Variants in PPP2R3B observed in about 807,000 individuals in gnomAD.
PPP2R3B encodes the protein protein phosphatase 2 regulatory subunit B''beta.
In PPP2R3B, 68 loss-of-function variants were observed where a neutral mutation model predicts 72.9. The observed-to-expected ratio is 0.93, with a 90% confidence interval of 0.77 to 1.14. PPP2R3B has a LOEUF of 1.14. Ranked by LOEUF, PPP2R3B falls within the 50% of genes most tolerant of loss-of-function variation. The pLI is 0.00. For missense variants in PPP2R3B, 1,018 were observed against 842.0 expected (o/e 1.21, Z -2.59); for synonymous variants, 466 against 375.8 (o/e 1.24, Z -2.78).
At chrX:352,804 C>CG (rs1323387314) in intron 2 of PPP2R3B, among the ~76,000 whole-genome samples, 1 of 151,424 alleles carries the variant, frequency 6.6e-6, no homozygotes, top group East Asian at 1.9e-4. Context: ...CGTTCCTCGG[C>CG]GGGTGACGGG....
intron 1 of PPP2R3B, among the ~76,000 whole-genome samples, chrX:376,438 C>A: frequency 9.3e-6 from 1 of 107,560 alleles, no homozygotes; most frequent in Non-Finnish European, 1.8e-5. Flanking sequence ...GACAGAGCCC[C>A]CATGGGGCCA....
At chrX:380,406 C>T (rs2072097135) in intron 1 of PPP2R3B, among the ~76,000 whole-genome samples, 1 of 152,132 alleles carries the variant, frequency 6.6e-6, no homozygotes, top group Non-Finnish European at 1.5e-5. Context: ...CCTGAACAGA[C>T]GCTCGACAGT....
In PPP2R3B at chrX:364,144, A is replaced by C. The variant is rs557728026; in HGVS notation, c.325-2554T>G. 3.8e-4 allele frequency among the ~76,000 whole-genome samples: 58 copies of C among 152,336 alleles called. No homozygotes were observed. In the East Asian group the frequency reaches 7.3e-3, roughly 19 times the overall value. On this transcript the variant is annotated intron_variant, in intron 1 of 12. Coordinates refer to ENST00000390665, the MANE Select transcript of PPP2R3B (RefSeq NM_013239.5). ...GCCTTGCAGAGCTCTGGGGAAGAGG[A>C]GGCAAAACGCAGGGTCCTCCGGGGA...
In PPP2R3B at chrX:341,898, G is replaced by A. The variant is rs2071087237; in HGVS notation, c.1070C>T (p.Ser357Leu). ...CCGTACGTACCGTGTGACTGCTCCT[G>A]AGAAGATCCTGTCTATCATCTTGGT... ...LSTKMIDRIF[S>L]GAVTRGRKVQ... is the part of the protein sequence containing the mutation. Residue 357 changes from serine to leucine, a missense_variant, in exon 8 of 13, where the codon TCA (serine) becomes TTA (leucine). Ser to Leu is a moderately radical substitution (Grantham distance 145). Coordinates refer to ENST00000390665, the MANE Select transcript of PPP2R3B (RefSeq NM_013239.5). 9 of 1,612,606 alleles carry A rather than the reference G, an allele frequency of 5.6e-6. No individual in the cohort carries two copies. Among genetic ancestry groups the A allele is most frequent in the African/African-American group, 2.7e-5 (2 of 74,950 alleles).
At chrX:383,869 C>CA (rs1192535215) in intron 1 of PPP2R3B, among the ~76,000 whole-genome samples, 1,439 of 116,466 alleles carry the variant, frequency 0.012, 32 homozygotes, top group African/African-American at 0.043. Flanking sequence ...AAAAAAAAAC[C>CA]AAAAAAACAA....
At chrX:350,762 C>A (rs1415273595) in intron 2 of PPP2R3B, among the ~76,000 whole-genome samples, 1 of 152,218 alleles carries the variant, frequency 6.6e-6, no homozygotes, top group South Asian at 2.1e-4. Context: ...AACTGGGACG[C>A]CACGCAGCTG....
At chrX:346,142 CA>C in intron 6 of PPP2R3B, 31 bp downstream of exon 6, 1 of 1,430,330 alleles carries the variant, frequency 7.0e-7, no homozygotes, top group Non-Finnish European at 9.1e-7. Context: ...AGGGACAAGG[CA>C]GGGGGCAGGG....
intron 5 of PPP2R3B, 77 bp from the exon 6 acceptor site, chrX:346,337 G>T: frequency 7.1e-7 from 1 of 1,414,482 alleles, no homozygotes; most frequent in Non-Finnish European, 9.7e-7. Context: ...CGGGAGCCGG[G>T]AGAGGGGCGC....
At chrX:378,624 G>A (rs1252799851) in intron 1 of PPP2R3B, among the ~76,000 whole-genome samples, 2 of 152,002 alleles carry the variant, frequency 1.3e-5, no homozygotes, top group South Asian at 2.1e-4. Flanking sequence ...AGGCTCCAGC[G>A]GATTCAAAAC....
chrX:364,395 C>T lies in PPP2R3B; in HGVS notation c.325-2805G>A, dbSNP rs181787792. Reference sequence around the variant, plus strand: ...ATGCTGCGAAAACCCTCAAACCGGCCGGGCTCGTGCCTGCAATCCTGGCGC... The same window carrying T: ...ATGCTGCGAAAACCCTCAAACCGGCTGGGCTCGTGCCTGCAATCCTGGCGC... On this transcript the variant is annotated intron_variant, in intron 1 of 12. Coordinates refer to ENST00000390665, the MANE Select transcript of PPP2R3B (RefSeq NM_013239.5). Among the ~76,000 whole-genome samples, 657 of 151,454 alleles carry T rather than the reference C, an allele frequency of 4.3e-3. 2 individuals are homozygous for T. The highest frequency in any genetic ancestry group is 7.0e-3 in the Non-Finnish European group (478 of 67,854).
chrX:341,806 G>T, intron 8 of PPP2R3B, 77 bp downstream of exon 8: 1 of 1,509,308 alleles, frequency 6.6e-7, no homozygotes, highest in Non-Finnish European at 9.2e-7. Flanking sequence ...AAAAGCTCAC[G>T]TCAGGCAACG....
intron 4 of PPP2R3B, 129 bp downstream of exon 4, chrX:347,105 T>C (rs1186703442): frequency 2.9e-5 from 33 of 1,138,300 alleles, no homozygotes; most frequent in Non-Finnish European, 3.9e-5. Context: ...AGGTGTGCGG[T>C]GTAGACGCGG....
intron 1 of PPP2R3B, among the ~76,000 whole-genome samples, chrX:376,333 C>T (rs1482305343): frequency 1.3e-5 from 2 of 152,178 alleles, no homozygotes; most frequent in African/African-American, 4.8e-5. Flanking sequence ...GGAGCCCTTG[C>T]GTCCTGTCCC....
chrX:341,067 G>A (rs968428591), intron 9 of PPP2R3B, 127 bp from the exon 10 acceptor site: 6 of 1,357,686 alleles, frequency 4.4e-6, no homozygotes, highest in Non-Finnish European at 6.0e-6. Flanking sequence ...CACCGGGCGT[G>A]CAGGCATCCC....
chrX:346,508 A>C (rs969780118), intron 5 of PPP2R3B, 193 bp downstream of exon 5: 4 of 640,196 alleles, frequency 6.2e-6, no homozygotes, highest in Non-Finnish European at 1.1e-5. Context: ...GGGTGCGGCC[A>C]CCCCGGAAAA....
intron 1 of PPP2R3B, chrX:373,995 G>A (rs2071931821): frequency 6.6e-6 from 1 of 152,566 alleles, no homozygotes; most frequent in Non-Finnish European, 1.5e-5. Flanking sequence ...GCTCCGGGCT[G>A]GGCCGTCCGG....
At chrX:351,851 T>C (rs1480136197) in intron 2 of PPP2R3B, among the ~76,000 whole-genome samples, 1 of 152,132 alleles carries the variant, frequency 6.6e-6, no homozygotes, top group Non-Finnish European at 1.5e-5. Flanking sequence ...GTGCGCGCTA[T>C]CATGCCTGGG....
In PPP2R3B at chrX:346,781, G is replaced by A; in HGVS notation, c.718-6C>T. ...GGGTGCGTGTTCACCACGTCCTGCG[G>A]GTGGGAAGACACGAGGCGCGTGGTG... On this transcript the variant is annotated splice_region_variant and splice_polypyrimidine_tract_variant and intron_variant, in intron 4 of 12. Transcript: ENST00000390665. The A allele has an allele frequency of 6.2e-7, 1 of 1,608,398 alleles. No individual in the cohort carries two copies. Among genetic ancestry groups the A allele is most frequent in the East Asian group, 2.2e-5 (1 of 44,768 alleles).
intron 9 of PPP2R3B, 27 bp downstream of exon 9, chrX:341,280 C>G (rs1204154182): frequency 6.2e-7 from 1 of 1,608,150 alleles, no homozygotes; most frequent in East Asian, 2.3e-5. Context: ...TCCACTGGGA[C>G]AAACGCATGC....
Sources: allele counts gnomAD v4.1 joint callset (sites outside exome capture counted in the v4.1 genomes callset), GRCh38; gene constraint gnomAD v4.1.1; transcripts MANE v1.5; gene names NCBI Gene and HGNC (gene_info 2026-07-23, HGNC 2026-07-21).